Variants in SGMS1 observed in about 807,000 individuals in gnomAD.
SGMS1 encodes phosphatidylcholine:ceramide cholinephosphotransferase 1.
SGMS1 carries 13 observed loss-of-function variants against 46.2 expected under a neutral mutation model. That is an observed-to-expected ratio of 0.28 (90% CI 0.18 to 0.45). SGMS1 has a LOEUF of 0.45. Ranked by LOEUF, SGMS1 falls within the 20% of genes least tolerant of loss-of-function variation. The pLI, the probability that SGMS1 is intolerant of heterozygous loss-of-function variation, is 1.00. For synonymous variants in SGMS1, 203 were observed against 187.8 expected (o/e 1.08, Z -0.66); for missense variants, 324 against 519.9 (o/e 0.62, Z 3.66).
intron 5 of SGMS1, among the ~76,000 whole-genome samples, chr10:50,442,332 C>A (rs1323827299): frequency 2.0e-5 from 3 of 152,128 alleles, no homozygotes; most frequent in African/African-American, 4.8e-5. Flanking sequence ...TGATGCTCTC[C>A]CTCCCCCACC....
intron 2 of SGMS1, among the ~76,000 whole-genome samples, chr10:50,565,019 T>C (rs1838275866): frequency 6.6e-6 from 1 of 152,204 alleles, no homozygotes; most frequent in African/African-American, 2.4e-5. Flanking sequence ...TGTAAGTCAT[T>C]TGAGGGTTGG....
chr10:50,527,780 C>T (rs1305579642), intron 2 of SGMS1, among the ~76,000 whole-genome samples: 1 of 152,194 alleles, frequency 6.6e-6, no homozygotes, highest in African/African-American at 2.4e-5. Flanking sequence ...TTGTGTCTGT[C>T]ACCTTGAAGA....
chr10:50,329,257 G>T (rs1847577867), intron 7 of SGMS1, among the ~76,000 whole-genome samples: 1 of 152,046 alleles, frequency 6.6e-6, no homozygotes, highest in African/African-American at 2.4e-5. Context: ...AAAAATCTAA[G>T]AATGAGGTAT....
intron 6 of SGMS1, among the ~76,000 whole-genome samples, chr10:50,425,512 A>G (rs1002621705): frequency 2.0e-5 from 3 of 152,230 alleles, no homozygotes; most frequent in African/African-American, 7.2e-5. Context: ...ACCAAATACC[A>G]CATATTCTCA....
At chr10:50,607,891 C>T (rs1219990689) in intron 1 of SGMS1, among the ~76,000 whole-genome samples, 1 of 152,056 alleles carries the variant, frequency 6.6e-6, no homozygotes. Flanking sequence ...TGGACAGAGC[C>T]AGCAAAAATA....
intron 6 of SGMS1, among the ~76,000 whole-genome samples, chr10:50,397,434 AAGC>A (rs1268641435): frequency 6.6e-6 from 1 of 152,228 alleles, no homozygotes; most frequent in Non-Finnish European, 1.5e-5. Context: ...CATGACACCA[AAGC>A]AGAGGAGAAG....
In SGMS1 at chr10:50,462,081, AC is replaced by A. The variant is rs749632152; in HGVS notation, c.-454-1268del. 2.3e-3 allele frequency among the ~76,000 whole-genome samples: 348 copies of A among 152,098 alleles called. 2 individuals are homozygous for A. Among genetic ancestry groups the A allele is most frequent in the South Asian group, 5.4e-3 (26 of 4,822 alleles). Reference sequence around the variant, plus strand: ...TTGCAGCACTAGCCTAGGCAACAAAACGAGACCTCATATCTACAAAAAGAAA... The same window carrying A: ...TTGCAGCACTAGCCTAGGCAACAAAAGAGACCTCATATCTACAAAAAGAAA... On this transcript the variant is annotated intron_variant, in intron 4 of 10. Transcript: ENST00000361781.
chr10:50,550,936 T>A (rs1304615741), intron 2 of SGMS1, among the ~76,000 whole-genome samples: 16 of 152,168 alleles, frequency 1.1e-4, no homozygotes. Context: ...GAATCCATAC[T>A]AAAAAATAAA....
At chr10:50,474,007 G>A (rs1292669629) in intron 3 of SGMS1, 1 of 152,212 alleles carries the variant, frequency 6.6e-6, no homozygotes, top group Non-Finnish European at 1.5e-5. Flanking sequence ...ATGTCATGGT[G>A]AAAGGTCAAG....
intron 8 of SGMS1, among the ~76,000 whole-genome samples, chr10:50,319,161 CAA>C (rs5784829): frequency 4.5e-4 from 49 of 107,768 alleles, no homozygotes; most frequent in Middle Eastern, 5.3e-3. Flanking sequence ...GATTTGCCAC[CAA>C]AAAAAAAAAA....
chr10:50,553,767 T>C (rs1408075441), intron 2 of SGMS1, among the ~76,000 whole-genome samples: 1 of 152,204 alleles, frequency 6.6e-6, no homozygotes, highest in Non-Finnish European at 1.5e-5. Flanking sequence ...AGCCTAAAGT[T>C]ACTCTTCTTG....
intron 5 of SGMS1, among the ~76,000 whole-genome samples, chr10:50,453,295 T>TTAAAA (rs1837135705): frequency 6.6e-6 from 1 of 152,068 alleles, no homozygotes; most frequent in African/African-American, 2.4e-5. Flanking sequence ...GCAAAAATGG[T>TTAAAA]ATTTAAAAAT....
chr10:50,416,221 A>G (rs1264701948), intron 6 of SGMS1, among the ~76,000 whole-genome samples: 1 of 152,200 alleles, frequency 6.6e-6, no homozygotes, highest in Admixed American at 6.5e-5. Flanking sequence ...TTTAGGAGCA[A>G]TTGGAGCCAC....
At chr10:50,503,295 G>A (rs1837677162) in intron 3 of SGMS1, among the ~76,000 whole-genome samples, 3 of 152,298 alleles carry the variant, frequency 2.0e-5, no homozygotes, top group Middle Eastern at 3.4e-3. Flanking sequence ...TTAGGAACAC[G>A]CTAATTGTCC....
chr10:50,338,675 T>A (rs1847757266), intron 7 of SGMS1, among the ~76,000 whole-genome samples: 2 of 152,230 alleles, frequency 1.3e-5, no homozygotes, highest in South Asian at 4.1e-4. Context: ...TTCCACAAAA[T>A]TTATTCACTA....
intron 1 of SGMS1, among the ~76,000 whole-genome samples, chr10:50,597,959 C>A (rs892796406): frequency 2.7e-5 from 4 of 150,156 alleles, no homozygotes; most frequent in Non-Finnish European, 4.4e-5. Flanking sequence ...TTGCAGCGAG[C>A]TGAGATAGCA....
At chr10:50,360,165 T>G (rs1848224064) in intron 6 of SGMS1, among the ~76,000 whole-genome samples, 1 of 152,228 alleles carries the variant, frequency 6.6e-6, no homozygotes. Flanking sequence ...TGGCTTTCTG[T>G]GTATAATTAT....
intron 7 of SGMS1, 24 bp from the exon 8 acceptor site, chr10:50,327,346 A>C: frequency 7.6e-7 from 1 of 1,323,924 alleles, no homozygotes; most frequent in Non-Finnish European, 1.1e-6. Context: ...AAAACAGGGC[A>C]GATTCTCAGT....
chr10:50,499,249 C>T (rs1206062465), intron 3 of SGMS1, among the ~76,000 whole-genome samples: 1 of 152,124 alleles, frequency 6.6e-6, no homozygotes, highest in Non-Finnish European at 1.5e-5. Context: ...AAGTACCTTC[C>T]CTAAGCCTTG....
Sources: allele counts gnomAD v4.1 joint callset (sites outside exome capture counted in the v4.1 genomes callset), GRCh38; gene constraint gnomAD v4.1.1; transcripts MANE v1.5; gene names NCBI Gene and HGNC (gene_info 2026-07-23, HGNC 2026-07-21).